Variants in KCNC1 observed in about 807,000 individuals in gnomAD.
KCNC1 encodes voltage-gated potassium channel KCNC1.
In KCNC1, 8 loss-of-function variants were observed where a neutral mutation model predicts 43.4. The observed-to-expected ratio is 0.18, with a 90% CI of 0.11 to 0.33. The LOEUF (loss-of-function observed/expected upper bound fraction) is 0.33, where lower values mean the gene tolerates loss of function less well. KCNC1 is among the 10% of genes least tolerant of loss of function. The pLI is 1.00. For missense variants in KCNC1, 420 were observed against 836.0 expected, an observed-to-expected ratio of 0.50 and a Z score of 6.14; for synonymous variants, 361 against 360.5, an observed-to-expected ratio of 1.00 and a Z score of -0.01.
intron 1 of KCNC1, among the ~76,000 whole-genome samples, chr11:17,744,129 C>G (rs1848872513): frequency 6.6e-6 from 1 of 152,134 alleles, no homozygotes; most frequent in South Asian, 2.1e-4. Context: ...CTACCTTGAG[C>G]AAGTCCTGTG....
Position 17,777,456 on chromosome 11 carries a change from T to C in KCNC1, c.1505-2000T>C. 2 of 985,956 alleles carry C rather than the reference T, an allele frequency of 2.0e-6. No homozygotes were observed. The highest frequency in any genetic ancestry group is 1.2e-6 in the Non-Finnish European group (1 of 829,998). 61.1% of individuals were successfully genotyped at this position (985,956 alleles called of 1,614,324 possible). On this transcript the variant is annotated intron_variant, in intron 2 of 3. Coordinates refer to ENST00000265969, the MANE Select transcript of KCNC1 (RefSeq NM_001112741.2). The surrounding 1 kb of genome is among the most constrained non-coding windows in gnomAD (Gnocchi z 4.3). ...CCCCCACATCGTCATCCGCGTCCTCTCCATACTGTTTCCCTCCCCTCTCCC... is the reference window on the plus strand; with the variant it reads ...CCCCCACATCGTCATCCGCGTCCTCCCCATACTGTTTCCCTCCCCTCTCCC...
chr11:17,761,148 A>G (rs1255514616), intron 1 of KCNC1, among the ~76,000 whole-genome samples: 1 of 152,192 alleles, frequency 6.6e-6, no homozygotes, highest in Non-Finnish European at 1.5e-5. Context: ...GATCTTGGAC[A>G]CACCTGGACT....
chr11:17,762,387 C>G (rs185715998), intron 1 of KCNC1, among the ~76,000 whole-genome samples: 9 of 152,338 alleles, frequency 5.9e-5, no homozygotes, highest in Admixed American at 1.3e-4. Context: ...GTGAGAGGCT[C>G]TGTGTGGAGG....
chr11:17,749,631 G>A (rs985984186), intron 1 of KCNC1, among the ~76,000 whole-genome samples: 2 of 152,230 alleles, frequency 1.3e-5, no homozygotes, highest in African/African-American at 4.8e-5. Context: ...GCAGCAGTGA[G>A]GAACACGGCC....
chr11:17,752,283 C>G (rs1372972756), intron 1 of KCNC1, among the ~76,000 whole-genome samples: 1 of 152,218 alleles, frequency 6.6e-6, no homozygotes, highest in African/African-American at 2.4e-5. Flanking sequence ...AAGCCCTGAT[C>G]TAGCATTCCC....
In KCNC1 at chr11:17,777,712, T is replaced by C. The variant is rs906552056; in HGVS notation, c.1505-1744T>C. The C allele has an allele frequency of 2.0e-6, 2 of 985,900 alleles. No homozygotes were observed. The allele number at this position is 985,900 out of a possible 1,614,324, so 61.1% of individuals were successfully genotyped here. On this transcript the variant is annotated intron_variant, in intron 2 of 3. Transcript: ENST00000265969. The surrounding 1 kb of genome is among the most constrained non-coding windows in gnomAD (Gnocchi z 4.3). ...CCCTGGGATTTGTCGAGAAACGCAC[T>C]GTACGTGAAATGCTTTGCCATCTTG... is the stretch of plus-strand genomic sequence containing the variant.
At chr11:17,772,629 G>T in intron 2 of KCNC1, 31 bp downstream of exon 2, 1 of 1,603,698 alleles carries the variant, frequency 6.2e-7, no homozygotes, top group South Asian at 1.1e-5. Context: ...ATGTCGATCT[G>T]ACCTTTCACC....
At chr11:17,755,384 G>T (rs1381743115) in intron 1 of KCNC1, among the ~76,000 whole-genome samples, 1 of 152,142 alleles carries the variant, frequency 6.6e-6, no homozygotes, top group Admixed American at 6.5e-5. Context: ...TGTTTTAAAA[G>T]CTGTGTTGAA....
At chr11:17,738,014 G>C (rs1017143614) in intron 1 of KCNC1, among the ~76,000 whole-genome samples, 70 of 152,056 alleles carry the variant, frequency 4.6e-4, no homozygotes, top group African/African-American at 1.7e-3. Context: ...GGGCGGGCGG[G>C]GGGCAGGTAG....
intron 1 of KCNC1, among the ~76,000 whole-genome samples, chr11:17,769,797 GAC>G (rs1849201639): frequency 6.6e-6 from 1 of 152,230 alleles, no homozygotes; most frequent in Non-Finnish European, 1.5e-5. Flanking sequence ...TGGCTCAGGA[GAC>G]AGTTTTCTGA....
At position 17,777,531 on chromosome 11, in the gene KCNC1, G is replaced by A. The variant is rs1236791957; in HGVS notation, c.1505-1925G>A. ...GACCCTTGGATGGAAGACTGGGCCA[G>A]CCAGAGTGGGAGGCAGGACCAGCGT... On this transcript the variant is annotated intron_variant, in intron 2 of 3. Transcript: ENST00000265969. This position sits in a 1 kb window ranked among gnomAD's most constrained non-coding sequence, Gnocchi z 4.3. 4 of 985,842 alleles carry A rather than the reference G, an allele frequency of 4.1e-6. No homozygotes were observed. The African/African-American group carries it at 7.0e-5, about 17-fold the overall frequency. The allele number at this position is 985,842 out of a possible 1,614,324, so 61.1% of individuals were successfully genotyped here.
Position 17,742,026 on chromosome 11 carries a change from T to G in KCNC1, c.570+5454T>G, listed in dbSNP as rs180833928. 4.6e-4 allele frequency among the ~76,000 whole-genome samples: 70 copies of G among 152,210 alleles called. No individual in the cohort carries two copies. Among genetic ancestry groups the G allele is most frequent in the African/African-American group, 1.5e-3 (64 of 41,536 alleles). On this transcript the variant is annotated intron_variant, in intron 1 of 3. Coordinates refer to ENST00000265969, the MANE Select transcript of KCNC1 (RefSeq NM_001112741.2). This position sits in a 1 kb window ranked among gnomAD's most constrained non-coding sequence, Gnocchi z 4.2. ...CAGCCTTGTTTGATTTGGGCTCATC[T>G]CTCCTCTAGACTGTAAGCCTCTGGC...
chr11:17,735,950 C>A lies in KCNC1; in HGVS notation c.-53C>A. On this transcript the variant is annotated 5_prime_UTR_variant, in exon 1 of 4. Transcript: ENST00000265969. This position sits in a 1 kb window ranked among gnomAD's most constrained non-coding sequence, Gnocchi z 6.7. ...CCTCCCCGGCGCCAACTCCCCCTGG[C>A]GGCCGCTCCCATGGGTGTCGCTGGG... is the stretch of plus-strand genomic sequence containing the variant. 7.2e-7 allele frequency: 1 copy of A among 1,380,618 alleles called. No individual in the cohort carries two copies. Among genetic ancestry groups the A allele is most frequent in the Non-Finnish European group, 9.3e-7 (1 of 1,075,568 alleles). 85.5% of individuals were successfully genotyped at this position (1,380,618 alleles called of 1,614,324 possible). A position where few individuals can be genotyped will look rare whatever the true frequency, so the allele number is the denominator to read the frequency against.
At chr11:17,760,702 G>A (rs753869949) in intron 1 of KCNC1, among the ~76,000 whole-genome samples, 2 of 152,206 alleles carry the variant, frequency 1.3e-5, no homozygotes, top group African/African-American at 2.4e-5. Flanking sequence ...ACCTCTGCAC[G>A]CGCTGCCTGC....
chr11:17,745,731 C>T (rs1590093769), intron 1 of KCNC1, among the ~76,000 whole-genome samples: 1 of 152,136 alleles, frequency 6.6e-6, no homozygotes, highest in Non-Finnish European at 1.5e-5. Flanking sequence ...GCCTCAAGAC[C>T]TGCGCTGCGC....
rs1848751303 is a variant in KCNC1 at position 17,735,338 on chromosome 11, GGAGA to G, written c.-661_-658del. 1.3e-5 allele frequency: 2 copies of G among 152,104 alleles called. No individual in the cohort carries two copies. The highest frequency in any genetic ancestry group is 2.9e-5 in the Non-Finnish European group (2 of 68,002). The allele number at this position is 152,104 out of a possible 1,614,324, so 9.4% of individuals were successfully genotyped here. On this transcript the variant is annotated 5_prime_UTR_variant, in exon 1 of 4. Transcript: ENST00000265969. This position sits in a 1 kb window ranked among gnomAD's most constrained non-coding sequence, Gnocchi z 6.7. ...CCGGGGGGAGCAGGCAGCCAAGCAA[GGAGA>G]GAGGGAGGGGGCCGGAGCCCGCCCT...
chr11:17,778,839 G>A (rs569765461), intron 2 of KCNC1, among the ~76,000 whole-genome samples: 6 of 150,718 alleles, frequency 4.0e-5, no homozygotes, highest in Non-Finnish European at 7.4e-5. Context: ...GGTTGGGGTC[G>A]GGGGGGTACG....
chr11:17,764,142 C>A (rs1849118579), intron 1 of KCNC1, among the ~76,000 whole-genome samples: 1 of 147,844 alleles, frequency 6.8e-6, no homozygotes, highest in Non-Finnish European at 1.5e-5. Context: ...CACACCCCCC[C>A]ACAAACCACA....
intron 1 of KCNC1, among the ~76,000 whole-genome samples, chr11:17,745,058 G>C (rs1444901543): frequency 2.0e-5 from 3 of 152,066 alleles, no homozygotes; most frequent in South Asian, 2.1e-4. Context: ...AGCCTTTCAG[G>C]CCTCACCCCA....
Sources: allele counts gnomAD v4.1 joint callset (sites outside exome capture counted in the v4.1 genomes callset), GRCh38; gene constraint gnomAD v4.1.1; non-coding constraint Gnocchi (gnomAD v3.1); transcripts MANE v1.5; gene names NCBI Gene and HGNC (gene_info 2026-07-23, HGNC 2026-07-21).